ZNF521: variants seen among roughly 807,000 people sequenced by gnomAD.
ZNF521 encodes LYST-interacting protein 3.
A neutral mutation model predicts 105.5 loss-of-function variants in ZNF521; 14 were observed. The observed-to-expected ratio is 0.13, with a 90% CI of 0.09 to 0.21. The LOEUF (loss-of-function observed/expected upper bound fraction) is 0.21. Ranked by LOEUF, ZNF521 falls within the 10% of genes least tolerant of loss-of-function variation. The probability of loss-of-function intolerance (pLI) is 1.00; values close to 1 mark genes in which losing one functional copy is unlikely to be tolerated. For missense variants in ZNF521, 1,233 were observed against 1,629.7 expected, an observed-to-expected ratio of 0.76 and a Z score of 4.19; for synonymous variants, 635 against 606.0, an observed-to-expected ratio of 1.05 and a Z score of -0.70.
chr18:25,144,808 G>A (rs879512728), intron 5 of ZNF521, among the ~76,000 whole-genome samples: 4 of 152,306 alleles, frequency 2.6e-5, no homozygotes, highest in East Asian at 1.9e-4. Context: ...GGAAAACGCA[G>A]GAGGAAAGAG....
intron 3 of ZNF521, among the ~76,000 whole-genome samples, chr18:25,289,209 G>T (rs1018456562): frequency 6.6e-6 from 1 of 152,098 alleles, no homozygotes; most frequent in Non-Finnish European, 1.5e-5. Flanking sequence ...TAATCCCTAA[G>T]GAAAACTGGA....
rs1324890806 is a variant in ZNF521 at position 25,202,700 on chromosome 18, A to T, written c.3574-7456T>A. ...GCAGTAGCACCAGTATTTTGTTGGC[A>T]AGCAAATGGATACTACATGTGAGTG... is the stretch of plus-strand genomic sequence containing the variant. On this transcript the variant is annotated intron_variant, in intron 4 of 7. Transcript: ENST00000361524. The T allele has an allele frequency of 2.0e-5, 3 of 152,200 alleles. No homozygotes were observed. The East Asian group carries it at 5.8e-4, about 29-fold the overall frequency. 9.4% of individuals were successfully genotyped at this position (152,200 alleles called of 1,614,324 possible).
intron 7 of ZNF521, among the ~76,000 whole-genome samples, chr18:25,076,402 C>A (rs2033362978): frequency 6.6e-6 from 1 of 152,144 alleles, no homozygotes; most frequent in South Asian, 2.1e-4. Context: ...GGATGTGAAA[C>A]TTAAAGTTGT....
At chr18:25,286,377 C>G (rs570123508) in intron 3 of ZNF521, among the ~76,000 whole-genome samples, 167 of 152,296 alleles carry the variant, frequency 1.1e-3, no homozygotes, top group Middle Eastern at 3.4e-3. Flanking sequence ...ACTACATTCT[C>G]TGCAAAGAGC....
intron 5 of ZNF521, among the ~76,000 whole-genome samples, chr18:25,166,747 T>C (rs753780830): frequency 6.6e-6 from 1 of 152,170 alleles, no homozygotes; most frequent in Non-Finnish European, 1.5e-5. Flanking sequence ...AGAAAACATA[T>C]AACTAGACAA....
intron 5 of ZNF521, 45 bp downstream of exon 5, chr18:25,195,115 G>T: frequency 7.3e-7 from 1 of 1,379,294 alleles, no homozygotes; most frequent in Non-Finnish European, 1.0e-6. Flanking sequence ...ATATACACAA[G>T]CAGAAGAAAC....
At chr18:25,343,818 CTT>C (rs1165701055) in intron 2 of ZNF521, among the ~76,000 whole-genome samples, 2 of 152,036 alleles carry the variant, frequency 1.3e-5, no homozygotes, top group Admixed American at 6.6e-5. Context: ...AATTTTTAAA[CTT>C]AATCTTTTTT....
chr18:25,192,066 C>T (rs2035827783), intron 5 of ZNF521, among the ~76,000 whole-genome samples: 1 of 152,080 alleles, frequency 6.6e-6, no homozygotes, highest in Admixed American at 6.6e-5. Context: ...GAAATCTTTT[C>T]CCCAGGAAAG....
At chr18:25,250,451 A>C (rs1398224966) in intron 3 of ZNF521, among the ~76,000 whole-genome samples, 1 of 152,214 alleles carries the variant, frequency 6.6e-6, no homozygotes. Context: ...GTCCTTCTTT[A>C]AAACTGTCAT....
chr18:25,282,605 G>T (rs750268753), intron 3 of ZNF521, among the ~76,000 whole-genome samples: 1 of 152,122 alleles, frequency 6.6e-6, no homozygotes, highest in Non-Finnish European at 1.5e-5. Context: ...ATGTGGATGT[G>T]CCAAAAACAA....
At chr18:25,108,969 T>A (rs573890337) in intron 5 of ZNF521, among the ~76,000 whole-genome samples, 1 of 152,274 alleles carries the variant, frequency 6.6e-6, no homozygotes, top group South Asian at 2.1e-4. Flanking sequence ...AATTTTTAAA[T>A]TTTAGATTCA....
At chr18:25,080,809 T>C (rs984825563) in intron 7 of ZNF521, among the ~76,000 whole-genome samples, 1 of 152,210 alleles carries the variant, frequency 6.6e-6, no homozygotes, top group African/African-American at 2.4e-5. Context: ...TTCTTGCCAC[T>C]TTGTCTCTGC....
chr18:25,130,394 A>G (rs1458443875), intron 5 of ZNF521, among the ~76,000 whole-genome samples: 1 of 152,172 alleles, frequency 6.6e-6, no homozygotes, highest in Non-Finnish European at 1.5e-5. Flanking sequence ...CAGTGAAACT[A>G]TTCTGTAAGA....
intron 5 of ZNF521, among the ~76,000 whole-genome samples, chr18:25,169,655 T>C (rs2035412314): frequency 6.6e-6 from 1 of 152,166 alleles, no homozygotes; most frequent in African/African-American, 2.4e-5. Flanking sequence ...CTCTTATATT[T>C]TAAATAAATG....
At chr18:25,177,452 A>C (rs2035553657) in intron 5 of ZNF521, among the ~76,000 whole-genome samples, 1 of 152,178 alleles carries the variant, frequency 6.6e-6, no homozygotes, top group African/African-American at 2.4e-5. Context: ...CTTACACATT[A>C]CAGATTTTAA....
In ZNF521 at chr18:25,233,109, T is replaced by C. The variant is rs144752270; in HGVS notation, c.221-5412A>G. Among the ~76,000 whole-genome samples the C allele has an allele frequency of 4.6e-5, 7 of 152,310 alleles. No individual in the cohort carries two copies. In the East Asian group the frequency reaches 1.2e-3, roughly 25 times the overall value. On this transcript the variant is annotated intron_variant, in intron 3 of 7. Coordinates refer to ENST00000361524, the MANE Select transcript of ZNF521 (RefSeq NM_015461.3). The stretch of plus-strand genomic sequence containing the variant: ...AATAGACACAGGTAACAAGGGTACT[T>C]GACATGTTACTTCAATGCCAACACA...
At chr18:25,179,116 CTTTTTTTTTTTTTT>C (rs1175859497) in intron 5 of ZNF521, among the ~76,000 whole-genome samples, 58 of 52,456 alleles carry the variant, frequency 1.1e-3, no homozygotes, top group South Asian at 1.9e-3. Context: ...TTCTTTATTC[CTTTTTTTTTTTTTT>C]TTTTTTTTTT....
chr18:25,278,753 AT>A (rs1910192256), intron 3 of ZNF521, among the ~76,000 whole-genome samples: 1 of 136,748 alleles, frequency 7.3e-6, no homozygotes, highest in Non-Finnish European at 1.5e-5. Flanking sequence ...TAAAAAAAAA[AT>A]CTCTCTTTCT....
intron 3 of ZNF521, among the ~76,000 whole-genome samples, chr18:25,283,179 C>CT (rs1157192904): frequency 2.6e-5 from 4 of 152,194 alleles, no homozygotes; most frequent in African/African-American, 9.6e-5. Context: ...CACTCACTAT[C>CT]TTTTTTCTCA....
Sources: gnomAD v4.1 joint callset for allele counts (sites outside exome capture counted in the v4.1 genomes callset) on GRCh38, gnomAD v4.1.1 for gene constraint, MANE v1.5 for transcripts, NCBI Gene and HGNC (gene_info 2026-07-23, HGNC 2026-07-21) for gene names.